Variants in POLR2M observed in about 807,000 individuals in gnomAD.
POLR2M encodes protein GRINL1A.
A neutral mutation model predicts 34.6 loss-of-function variants in POLR2M; 30 were observed. That is an observed-to-expected ratio of 0.87 (90% CI 0.65 to 1.18). POLR2M has a LOEUF of 1.18. Among genes scored for constraint, POLR2M ranks in the 50% most tolerant of loss-of-function variants. POLR2M has a pLI of 0.00. For synonymous variants in POLR2M, 150 were observed against 166.7 expected (o/e 0.90, Z 0.77); for missense variants, 432 against 448.7 (o/e 0.96, Z 0.34).
rs1399962396 is a variant in POLR2M at position 57,715,054 on chromosome 15, T to C, written c.*375T>C. The C allele has an allele frequency of 5.3e-6, 1 of 187,920 alleles. No individual in the cohort carries two copies. The highest frequency in any genetic ancestry group is 2.4e-5 in the African/African-American group (1 of 41,746). 11.6% of individuals were successfully genotyped at this position (187,920 alleles called of 1,614,324 possible). ...ACATGTCTTTCAGTGAAATACTTAG[T>C]TGTTCCAGGCACCTAAAATCAATTA... On this transcript the variant is annotated 3_prime_UTR_variant, in exon 4 of 4. Transcript: ENST00000299638.
chr15:57,709,379 G>C (rs2040622304), intron 2 of POLR2M, 21 bp downstream of exon 2: 2 of 1,588,400 alleles, frequency 1.3e-6, no homozygotes, highest in Non-Finnish European at 1.7e-6. Flanking sequence ...TCGGAAACAG[G>C]CCTGTAACAG....
In POLR2M at chr15:57,716,811, C is replaced by A. The variant is rs2140850758; in HGVS notation, c.*2132C>A. 1 of 152,224 alleles carries A rather than the reference C, an allele frequency of 6.6e-6. No individual in the cohort carries two copies. The highest frequency in any genetic ancestry group is 2.1e-4 in the South Asian group (1 of 4,824). The allele number at this position is 152,224 out of a possible 1,614,324, so 9.4% of individuals were successfully genotyped here. A position where few individuals can be genotyped will look rare whatever the true frequency, so the allele number is the denominator to read the frequency against. On this transcript the variant is annotated 3_prime_UTR_variant, in exon 4 of 4. Transcript: ENST00000299638. ...TCATTTAACATAGTTTGTGGTATTT[C>A]AGTATAGAAGTTGTTTTCTTTAGGA...
At chr15:57,709,421 C>A (rs1374098856) in intron 2 of POLR2M, 63 bp downstream of exon 2, 1 of 1,536,286 alleles carries the variant, frequency 6.5e-7, no homozygotes, top group South Asian at 1.3e-5. Flanking sequence ...CAAAAATTTA[C>A]GAGAAACTGG....
rs2040747397 is a variant in POLR2M, at chr15:57,712,090, A to C, written c.865A>C (p.Thr289Pro). The stretch of plus-strand genomic sequence containing the variant: ...GGATAAGCAGCATCTTGATGACATC[A>C]CAGCAGCTCGGCTTCTACCACTTCA... ...RRDKQHLDDITAARLLPLHHM... is the reference protein window; with the variant it reads ...RRDKQHLDDIPAARLLPLHHM... Residue 289 changes from threonine (T) to proline (P), a missense_variant, in exon 3 of 4, where the codon ACA becomes CCA. Coordinates refer to ENST00000299638, the MANE Select transcript of POLR2M (RefSeq NM_015532.5). The C allele has an allele frequency of 6.2e-7, 1 of 1,613,966 alleles. No homozygotes were observed. Among genetic ancestry groups the C allele is most frequent in the Admixed American group, 1.7e-5 (1 of 60,008 alleles).
chr15:57,714,755 G>T lies in POLR2M; in HGVS notation c.*76G>T. The T allele has an allele frequency of 3.2e-6, 5 of 1,548,232 alleles. No homozygotes were observed. The highest frequency in any genetic ancestry group is 4.4e-6 in the Non-Finnish European group (5 of 1,148,338). ...CTTTCTAACTAGTATCAAGATCAGT[G>T]TCAGATATTGTTGAGGGAAGTAATT... On this transcript the variant is annotated 3_prime_UTR_variant, in exon 4 of 4. Coordinates refer to ENST00000299638, the MANE Select transcript of POLR2M (RefSeq NM_015532.5).
Position 57,712,039 on chromosome 15 carries a change from A to G in POLR2M, c.814A>G (p.Ile272Val), listed in dbSNP as rs753164094. 53 of 1,614,064 alleles carry G rather than the reference A, an allele frequency of 3.3e-5. No individual in the cohort carries two copies. The highest frequency in any genetic ancestry group is 4.2e-5 in the Non-Finnish European group (50 of 1,179,958). Residue 272 changes from isoleucine (I) to valine (V), a missense_variant, in exon 3 of 4, where the codon ATT (isoleucine) becomes GTT (valine). Transcript: ENST00000299638. ...SSHCQKSGSP[I>V]SSEERRRRDK... ...TCATTGCCAGAAGAGTGGGTCTCCTATTTCCTCAGAAGAGCGGCGGCGCAG... is the reference window on the plus strand; with the variant it reads ...TCATTGCCAGAAGAGTGGGTCTCCTGTTTCCTCAGAAGAGCGGCGGCGCAG...
At chr15:57,710,922 G>A (rs1324716903) in intron 2 of POLR2M, among the ~76,000 whole-genome samples, 1 of 152,134 alleles carries the variant, frequency 6.6e-6, no homozygotes, top group Non-Finnish European at 1.5e-5. Context: ...TCTTCCTTCT[G>A]CATACTCTTC....
At chr15:57,712,522 T>G (rs777558353) in intron 3 of POLR2M, among the ~76,000 whole-genome samples, 1 of 152,168 alleles carries the variant, frequency 6.6e-6, no homozygotes, top group Non-Finnish European at 1.5e-5. Flanking sequence ...GTAAAACTCA[T>G]GTGACAGCTT....
In POLR2M at chr15:57,707,300, T is replaced by C. The variant is rs2040532497; in HGVS notation, c.113+345T>C. ...CCCGCACCCCTAACCCATAACAGAT[T>C]GTCAGCTTCATCTCTGGATTCTAAG... On this transcript the variant is annotated intron_variant, in intron 1 of 3. Coordinates refer to ENST00000299638, the MANE Select transcript of POLR2M (RefSeq NM_015532.5). The C allele has an allele frequency of 5.4e-6, 4 of 746,790 alleles. No individual in the cohort carries two copies. In the Admixed American group the frequency reaches 6.8e-5, roughly 13 times the overall value. 46.3% of individuals were successfully genotyped at this position (746,790 alleles called of 1,614,324 possible).
Position 57,709,009 on chromosome 15 carries a change from C to T in POLR2M, c.409C>T (p.Leu137Phe), listed in dbSNP as rs1435540781. The change falls in exon 2 of 4, where the codon CTT becomes TTT. Residue 137 changes from leucine to phenylalanine, a missense_variant. Coordinates refer to ENST00000299638, the MANE Select transcript of POLR2M (RefSeq NM_015532.5). ...AAACCAGGGACTTGGACGTCCTACT[C>T]TTGAAGGTGATGAAGAGACTTCAGA... ...SQNQGLGRPT[L>F]EGDEETSEVE... 12 of 1,613,900 alleles carry T rather than the reference C, an allele frequency of 7.4e-6. No individual in the cohort carries two copies. Among genetic ancestry groups the T allele is most frequent in the Non-Finnish European group, 1.0e-5 (12 of 1,179,944 alleles).
intron 2 of POLR2M, 75 bp downstream of exon 2, chr15:57,709,433 T>C: frequency 6.6e-7 from 1 of 1,515,860 alleles, no homozygotes; most frequent in East Asian, 2.3e-5. Flanking sequence ...AGAAACTGGG[T>C]GTGGTGGTGC....
At position 57,712,029 on chromosome 15, in the gene POLR2M, T is replaced by C. The variant is rs755156459; in HGVS notation, c.804T>C (p.Ser268=). 29 of 1,613,766 alleles carry C rather than the reference T, an allele frequency of 1.8e-5. No individual in the cohort carries two copies. Among genetic ancestry groups the C allele is most frequent in the Non-Finnish European group, 2.4e-5 (28 of 1,179,918 alleles). ...ATTCATCTAGTCATTGCCAGAAGAG[T>C]GGGTCTCCTATTTCCTCAGAAGAGC... is the stretch of plus-strand genomic sequence containing the variant. The part of the protein sequence containing the change: ...QNDSSSHCQK[S]GSPISSEERR... Residue 268 remains serine, a synonymous_variant, in exon 3 of 4, where the codon AGT becomes AGC. Coordinates refer to ENST00000299638, the MANE Select transcript of POLR2M (RefSeq NM_015532.5).
intron 1 of POLR2M, chr15:57,707,646 A>C (rs1271315979): frequency 2.4e-6 from 1 of 415,920 alleles, no homozygotes; most frequent in Non-Finnish European, 4.9e-6. Flanking sequence ...AGATGGCTGA[A>C]GTTTCCAATC....
In POLR2M at chr15:57,709,362, A is replaced by G. The variant is rs201697645; in HGVS notation, c.758+4A>G. ...TGCGTAAATTTAAAACCAATGTGTAAGTACCCTCGGAAACAGGCCTGTAAC... is the reference window on the plus strand; with the variant it reads ...TGCGTAAATTTAAAACCAATGTGTAGGTACCCTCGGAAACAGGCCTGTAAC... On this transcript the variant is annotated splice_donor_region_variant and intron_variant, in intron 2 of 3. Transcript: ENST00000299638. The G allele has an allele frequency of 1.2e-6, 2 of 1,607,376 alleles. No individual in the cohort carries two copies. The highest frequency in any genetic ancestry group is 1.7e-6 in the Non-Finnish European group (2 of 1,176,582).
intron 2 of POLR2M, among the ~76,000 whole-genome samples, chr15:57,709,985 TTC>T (rs2040646286): frequency 6.6e-6 from 1 of 152,210 alleles, no homozygotes; most frequent in African/African-American, 2.4e-5. Context: ...TAAGTCAAGA[TTC>T]TTAAAACTCC....
Position 57,706,774 on chromosome 15 carries a change from C to A in POLR2M, c.-69C>A, listed in dbSNP as rs112506769. The A allele has an allele frequency of 1.7e-5, 25 of 1,512,162 alleles. No individual in the cohort carries two copies. The Admixed American group carries it at 4.6e-4, about 28-fold the overall frequency. The allele number at this position is 1,512,162 out of a possible 1,614,324, so 93.7% of individuals were successfully genotyped here. A position where few individuals can be genotyped will look rare whatever the true frequency, so the allele number is the denominator to read the frequency against. ...CCGGAGTCACCGCCGTCCGCGGATCCGGCGCTAGTAGCGGGGCCTGCCGAG... is the reference window on the plus strand; with the variant it reads ...CCGGAGTCACCGCCGTCCGCGGATCAGGCGCTAGTAGCGGGGCCTGCCGAG... On this transcript the variant is annotated 5_prime_UTR_variant, in exon 1 of 4. Coordinates refer to ENST00000299638, the MANE Select transcript of POLR2M (RefSeq NM_015532.5).
rs375334112 is a variant in POLR2M, at chr15:57,708,975, A to G, written c.375A>G (p.Gln125=). ...CSSVDNIKSS[Q]TSQNQGLGRP... ...CTGTAGATAACATCAAGTCATCTCAAACCTCACAAAACCAGGGACTTGGAC... is the reference window on the plus strand; with the variant it reads ...CTGTAGATAACATCAAGTCATCTCAGACCTCACAAAACCAGGGACTTGGAC... Residue 125 remains glutamine (Q), a synonymous_variant, in exon 2 of 4, where the codon CAA becomes CAG. Coordinates refer to ENST00000299638, the MANE Select transcript of POLR2M (RefSeq NM_015532.5). 1.2e-6 allele frequency: 2 copies of G among 1,614,098 alleles called. No homozygotes were observed. The highest frequency in any genetic ancestry group is 1.7e-5 in the Admixed American group (1 of 60,020).
At chr15:57,711,920 A>C in intron 2 of POLR2M, 64 bp from the exon 3 acceptor site, 7 of 1,576,594 alleles carry the variant, frequency 4.4e-6, no homozygotes, top group Non-Finnish European at 6.1e-6. Context: ...ATTTGTGTGA[A>C]TGTTTTAAAT....
chr15:57,712,297 T>G, intron 3 of POLR2M, 109 bp downstream of exon 3: 3 of 1,288,712 alleles, frequency 2.3e-6, no homozygotes, highest in Non-Finnish European at 3.2e-6. Flanking sequence ...ATTAGGTGCT[T>G]CCATGAGCTC....
Sources: gnomAD v4.1 joint callset for allele counts (sites outside exome capture counted in the v4.1 genomes callset) on GRCh38, gnomAD v4.1.1 for gene constraint, MANE v1.5 for transcripts, NCBI Gene and HGNC (gene_info 2026-07-23, HGNC 2026-07-21) for gene names.